The following PRKN variants were observed in gnomAD, a reference collection of about 807,000 sequenced individuals.
PRKN encodes the protein parkin RBR E3 ubiquitin protein ligase, also known as E3 ubiquitin-protein ligase parkin.
Under a neutral mutation model 59.5 loss-of-function variants are expected in PRKN, and 56 were observed. That is an observed-to-expected ratio of 0.94 (90% CI 0.76 to 1.18). PRKN has a LOEUF of 1.18. PRKN is among the 50% of genes most tolerant of loss of function. PRKN has a pLI of 0.00. For synonymous variants in PRKN, 250 were observed against 222.1 expected, an observed-to-expected ratio of 1.13 and a Z score of -1.12; for missense variants, 657 against 596.4, an observed-to-expected ratio of 1.10 and a Z score of -1.06.
chr6:161,538,986 G>T lies in PRKN; in HGVS notation c.1083+9868C>A, dbSNP rs1779522967. Reference sequence around the variant, plus strand: ...GTTCCTGTTTCGTGTGAAGAGTGAGGGCGTGCTGCTTCTTCATCATGCCAT... The same window carrying T: ...GTTCCTGTTTCGTGTGAAGAGTGAGTGCGTGCTGCTTCTTCATCATGCCAT... On this transcript the variant is annotated intron_variant, in intron 9 of 11. Transcript: ENST00000366898. The surrounding 1 kb of genome is among the most constrained non-coding windows in gnomAD (Gnocchi z 4.2). 6.6e-6 allele frequency among the ~76,000 whole-genome samples: 1 copy of T among 152,148 alleles called. No homozygotes were observed. The highest frequency in any genetic ancestry group is 2.4e-5 in the African/African-American group (1 of 41,426).
In PRKN at chr6:162,675,239, A is replaced by G. The variant is rs555747752; in HGVS notation, c.7+52423T>C. Among the ~76,000 whole-genome samples, 83 of 152,010 alleles carry G rather than the reference A, an allele frequency of 5.5e-4. 2 individuals are homozygous for G. In the Middle Eastern group the frequency reaches 0.041, roughly 75 times the overall value. Reference sequence around the variant, plus strand: ...TAATTTTTGTATTTTTAGTAGAGATAGGGTTTCACAACGTTGGCCAGAATG... The same window carrying G: ...TAATTTTTGTATTTTTAGTAGAGATGGGGTTTCACAACGTTGGCCAGAATG... On this transcript the variant is annotated intron_variant, in intron 1 of 11. Coordinates refer to ENST00000366898, the MANE Select transcript of PRKN (RefSeq NM_004562.3).
chr6:161,622,670 C>G (rs1782950929), intron 7 of PRKN, among the ~76,000 whole-genome samples: 1 of 152,206 alleles, frequency 6.6e-6, no homozygotes, highest in African/African-American at 2.4e-5. Context: ...ACCTCATGCC[C>G]TCTCCTGGGA....
intron 1 of PRKN, among the ~76,000 whole-genome samples, chr6:162,485,901 A>G (rs1792516522): frequency 6.6e-6 from 1 of 152,184 alleles, no homozygotes; most frequent in South Asian, 2.1e-4. Flanking sequence ...AGAAAATCCT[A>G]AAGAACCATA....
At chr6:161,716,621 A>G (rs183009445) in intron 7 of PRKN, among the ~76,000 whole-genome samples, 124 of 152,186 alleles carry the variant, frequency 8.1e-4, no homozygotes, top group Non-Finnish European at 1.5e-3. Flanking sequence ...AGAGGGGGGG[A>G]AAAGAAACAA....
chr6:161,845,677 A>G lies in PRKN; in HGVS notation c.735-59769T>C, dbSNP rs762813230. Among the ~76,000 whole-genome samples the G allele has an allele frequency of 1.1e-3, 163 of 152,334 alleles. 1 individual carries two copies. Among genetic ancestry groups the G allele is most frequent in the Non-Finnish European group, 2.0e-3 (137 of 68,036 alleles). On this transcript the variant is annotated intron_variant, in intron 6 of 11. Coordinates refer to ENST00000366898, the MANE Select transcript of PRKN (RefSeq NM_004562.3). Reference sequence around the variant, plus strand: ...CCGTAAAGACATTAAAGATATATACATCTCAGTAAAGAAGCTTCCTAACAC... The same window carrying G: ...CCGTAAAGACATTAAAGATATATACGTCTCAGTAAAGAAGCTTCCTAACAC...
At chr6:161,796,694 A>G (rs564323802) in intron 6 of PRKN, among the ~76,000 whole-genome samples, 11 of 152,288 alleles carry the variant, frequency 7.2e-5, no homozygotes, top group African/African-American at 2.6e-4. Flanking sequence ...TCAGACTCTA[A>G]TTTCAGGTCA....
chr6:162,688,998 C>T (rs901613924), intron 1 of PRKN, among the ~76,000 whole-genome samples: 8 of 152,138 alleles, frequency 5.3e-5, no homozygotes, highest in South Asian at 4.2e-4. Flanking sequence ...ACACTGTTCC[C>T]TATTATCCTT....
At position 161,402,360 on chromosome 6, in the gene PRKN, A is replaced by C. The variant is rs1401491182; in HGVS notation, c.1084-15483T>G. On this transcript the variant is annotated intron_variant, in intron 9 of 11. Transcript: ENST00000366898. The surrounding 1 kb of genome is among the most constrained non-coding windows in gnomAD (Gnocchi z 4.5). ...TTTATTGCTTTGCTAAGGACATAGAAAGCAAACTAATTAAATGACAGCTAA... is the reference window on the plus strand; with the variant it reads ...TTTATTGCTTTGCTAAGGACATAGACAGCAAACTAATTAAATGACAGCTAA... Among the ~76,000 whole-genome samples the C allele has an allele frequency of 6.6e-6, 1 of 152,208 alleles. No individual in the cohort carries two copies. Among genetic ancestry groups the C allele is most frequent in the Non-Finnish European group, 1.5e-5 (1 of 68,046 alleles).
intron 2 of PRKN, among the ~76,000 whole-genome samples, chr6:162,402,072 A>C (rs1280381506): frequency 6.6e-6 from 1 of 152,012 alleles, no homozygotes; most frequent in Admixed American, 6.6e-5. Context: ...CGACATGGCA[A>C]AACCCAGTCT....
At chr6:162,494,035 C>T (rs1010713701) in intron 1 of PRKN, among the ~76,000 whole-genome samples, 1 of 152,198 alleles carries the variant, frequency 6.6e-6, no homozygotes, top group Non-Finnish European at 1.5e-5. Flanking sequence ...TGTTACTGTC[C>T]ATCTATTTCG....
intron 4 of PRKN, among the ~76,000 whole-genome samples, chr6:162,086,172 A>G (rs1397561099): frequency 1.3e-5 from 2 of 152,120 alleles, no homozygotes; most frequent in Non-Finnish European, 2.9e-5. Flanking sequence ...TTCTTTAGGG[A>G]GCATTTCTTT....
At chr6:161,910,260 T>G (rs1778306390) in intron 6 of PRKN, among the ~76,000 whole-genome samples, 1 of 152,144 alleles carries the variant, frequency 6.6e-6, no homozygotes, top group South Asian at 2.1e-4. Context: ...TTTTGTTTGT[T>G]TGTTTGTTTT....
chr6:162,344,697 C>T (rs1784324054), intron 2 of PRKN, among the ~76,000 whole-genome samples: 1 of 151,748 alleles, frequency 6.6e-6, no homozygotes. Context: ...CTAACAGTGG[C>T]TCTGAAAATG....
At chr6:161,977,803 T>C (rs1427933285) in intron 5 of PRKN, among the ~76,000 whole-genome samples, 1 of 151,260 alleles carries the variant, frequency 6.6e-6, no homozygotes, top group Non-Finnish European at 1.5e-5. Context: ...CACCTTGGCC[T>C]CCCAAAGTGT....
chr6:161,757,856 T>TCG (rs1361742093), intron 7 of PRKN, among the ~76,000 whole-genome samples: 1 of 96,206 alleles, frequency 1.0e-5, no homozygotes, highest in African/African-American at 4.9e-5. Context: ...TCTCTCTCTC[T>TCG]CTCTCTCTCT....
chr6:161,710,708 C>T (rs924705377), intron 7 of PRKN, among the ~76,000 whole-genome samples: 6 of 152,116 alleles, frequency 3.9e-5, no homozygotes, highest in African/African-American at 1.4e-4. Flanking sequence ...GGGCTCTGTC[C>T]GCAGGAGTCA....
At chr6:161,997,296 A>G (rs775775596) in intron 5 of PRKN, among the ~76,000 whole-genome samples, 40 of 152,154 alleles carry the variant, frequency 2.6e-4, no homozygotes, top group Non-Finnish European at 2.8e-4. Context: ...ACTGAGAGGT[A>G]CAAACTACAA....
At chr6:162,635,168 G>A (rs1777662627) in intron 1 of PRKN, among the ~76,000 whole-genome samples, 4 of 152,130 alleles carry the variant, frequency 2.6e-5, no homozygotes, top group African/African-American at 9.7e-5. Flanking sequence ...AACAGCTCAC[G>A]GGGTAACAGC....
At chr6:162,170,958 C>A (rs1783244563) in intron 4 of PRKN, among the ~76,000 whole-genome samples, 1 of 152,096 alleles carries the variant, frequency 6.6e-6, no homozygotes, top group African/African-American at 2.4e-5. Flanking sequence ...AAATAACTAT[C>A]CATTCATTCT....
Sources: allele counts gnomAD v4.1 joint callset (sites outside exome capture counted in the v4.1 genomes callset), GRCh38; gene constraint gnomAD v4.1.1; non-coding constraint Gnocchi (gnomAD v3.1); transcripts MANE v1.5; gene names NCBI Gene and HGNC (gene_info 2026-07-23, HGNC 2026-07-21).